The following NDUFS4 variants were observed in gnomAD, a reference collection of about 807,000 sequenced individuals.
NDUFS4 encodes NADH:ubiquinone oxidoreductase subunit S4.
Under a neutral mutation model 24.3 loss-of-function variants are expected in NDUFS4, and 28 were observed. The ratio of observed to expected loss-of-function variants is 1.15; its 90% confidence interval spans 0.85 to 1.58. The LOEUF is 1.58. NDUFS4 is among the 40% of genes most tolerant of loss of function. The pLI, the probability that NDUFS4 is intolerant of heterozygous loss-of-function variation, is 0.00. For missense variants in NDUFS4, 223 were observed against 207.9 expected, an observed-to-expected ratio of 1.07 and a Z score of -0.45; for synonymous variants, 93 against 69.7, an observed-to-expected ratio of 1.34 and a Z score of -1.67.
chr5:53,635,211 ATAAC>A (rs2112494589), intron 2 of NDUFS4, among the ~76,000 whole-genome samples: 1 of 151,536 alleles, frequency 6.6e-6, no homozygotes, highest in Non-Finnish European at 1.5e-5. Flanking sequence ...AAATAAATAA[ATAAC>A]CAACCAACCA....
At chr5:53,663,895 T>C (rs1261446993) in intron 4 of NDUFS4, among the ~76,000 whole-genome samples, 1 of 152,240 alleles carries the variant, frequency 6.6e-6, no homozygotes, top group African/African-American at 2.4e-5. Context: ...CTGGTTATTT[T>C]GCTCATTAGT....
At chr5:53,649,372 T>C (rs1179982077) in intron 3 of NDUFS4, among the ~76,000 whole-genome samples, 2 of 152,134 alleles carry the variant, frequency 1.3e-5, no homozygotes, top group Non-Finnish European at 2.9e-5. Flanking sequence ...CTCTCCCCTC[T>C]ATTGGAGTTC....
chr5:53,572,957 G>GTTTTTTTTTTTTTTTT (rs796960315), intron 1 of NDUFS4, among the ~76,000 whole-genome samples: 2 of 103,294 alleles, frequency 1.9e-5, no homozygotes, highest in Non-Finnish European at 4.1e-5. Flanking sequence ...GTTGTTTTTT[G>GTTTTTTTTTTTTTTTT]TTTTTTTTTT....
At chr5:53,664,462 G>A (rs1416810626) in intron 4 of NDUFS4, among the ~76,000 whole-genome samples, 1 of 152,124 alleles carries the variant, frequency 6.6e-6, no homozygotes, top group Non-Finnish European at 1.5e-5. Flanking sequence ...TCACTTTCAG[G>A]TACACCAATC....
intron 1 of NDUFS4, among the ~76,000 whole-genome samples, chr5:53,579,254 G>A (rs1223229892): frequency 6.6e-6 from 1 of 151,876 alleles, no homozygotes; most frequent in Non-Finnish European, 1.5e-5. Context: ...ACCTTTTTAC[G>A]CTTTCTAAAA....
At chr5:53,573,334 CTTTTA>C (rs1749277646) in intron 1 of NDUFS4, among the ~76,000 whole-genome samples, 1 of 152,006 alleles carries the variant, frequency 6.6e-6, no homozygotes, top group Non-Finnish European at 1.5e-5. Context: ...AGAATCAGCT[CTTTTA>C]TAACTATGAA....
At chr5:53,647,437 C>T (rs991976114) in intron 3 of NDUFS4, among the ~76,000 whole-genome samples, 5 of 151,946 alleles carry the variant, frequency 3.3e-5, no homozygotes, top group African/African-American at 7.3e-5. Context: ...GGGCTGGTCT[C>T]GAACTCCGGG....
chr5:53,573,116 T>A (rs1012311908), intron 1 of NDUFS4, among the ~76,000 whole-genome samples: 4 of 151,346 alleles, frequency 2.6e-5, no homozygotes, highest in African/African-American at 9.7e-5. Flanking sequence ...AGACTACAGG[T>A]GCATACCACC....
chr5:53,629,806 A>G (rs1254837082), intron 2 of NDUFS4, among the ~76,000 whole-genome samples: 4 of 152,110 alleles, frequency 2.6e-5, no homozygotes, highest in Non-Finnish European at 5.9e-5. Context: ...TGAATTCAGC[A>G]CACAAATGGG....
chr5:53,598,405 A>G (rs1055731710), intron 1 of NDUFS4, among the ~76,000 whole-genome samples: 1 of 152,236 alleles, frequency 6.6e-6, no homozygotes, highest in East Asian at 1.9e-4. Context: ...AAAACAGATT[A>G]TTATGTGAGT....
intron 4 of NDUFS4, among the ~76,000 whole-genome samples, chr5:53,664,200 G>A (rs1752438682): frequency 6.6e-6 from 1 of 152,190 alleles, no homozygotes; most frequent in Non-Finnish European, 1.5e-5. Context: ...CAAGAGATCA[G>A]CTGTTAGTCT....
chr5:53,582,993 T>G (rs541015970), intron 1 of NDUFS4, among the ~76,000 whole-genome samples: 2 of 152,218 alleles, frequency 1.3e-5, no homozygotes, highest in Non-Finnish European at 2.9e-5. Context: ...GCTCTGCCTC[T>G]CAGCCTCCTG....
intron 2 of NDUFS4, among the ~76,000 whole-genome samples, chr5:53,624,633 T>C (rs1392285626): frequency 1.3e-5 from 2 of 152,238 alleles, no homozygotes; most frequent in Non-Finnish European, 2.9e-5. Flanking sequence ...TTTTAGATTG[T>C]TCATTGTGAG....
intron 4 of NDUFS4, among the ~76,000 whole-genome samples, chr5:53,669,257 A>C (rs890742429): frequency 2.6e-5 from 4 of 152,144 alleles, no homozygotes; most frequent in African/African-American, 9.7e-5. Flanking sequence ...TTAATAGACA[A>C]ATTCCTCAAC....
At chr5:53,582,939 T>A (rs1367408707) in intron 1 of NDUFS4, among the ~76,000 whole-genome samples, 2 of 152,196 alleles carry the variant, frequency 1.3e-5, no homozygotes, top group Non-Finnish European at 2.9e-5. Context: ...TCTCGCTCTG[T>A]CACCCAGGTT....
intron 2 of NDUFS4, among the ~76,000 whole-genome samples, chr5:53,632,562 C>T (rs2124948): frequency 0.43 from 65,603 of 151,832 alleles, 14,838 homozygotes; most frequent in Admixed American, 0.51. Context: ...ACTCAGCATG[C>T]CTGAATGCCA....
chr5:53,683,023 A>AGTT, intron 4 of NDUFS4, 95 bp from the exon 5 acceptor site: 1 of 831,322 alleles, frequency 1.2e-6, no homozygotes, highest in East Asian at 2.4e-5. Context: ...ATGAACATTA[A>AGTT]GTTAAGTTAT....
At chr5:53,649,322 G>T (rs1363252412) in intron 3 of NDUFS4, among the ~76,000 whole-genome samples, 2 of 152,176 alleles carry the variant, frequency 1.3e-5, no homozygotes, top group Admixed American at 1.3e-4. Flanking sequence ...AGTAAACACA[G>T]TGCCCAGCAG....
chr5:53,674,332 A>G (rs1020747130), intron 4 of NDUFS4, among the ~76,000 whole-genome samples: 2 of 152,116 alleles, frequency 1.3e-5, no homozygotes, highest in Non-Finnish European at 2.9e-5. Flanking sequence ...AGGGCACATG[A>G]GTGTCTTATG....
Sources: allele counts gnomAD v4.1 joint callset (sites outside exome capture counted in the v4.1 genomes callset), GRCh38; gene constraint gnomAD v4.1.1; transcripts MANE v1.5; gene names NCBI Gene and HGNC (gene_info 2026-07-23, HGNC 2026-07-21).